Variants in RIC1 observed in about 807,000 individuals in gnomAD.
RIC1 encodes the protein RIC1 partner of RAB6A GEF complex, also known as guanine nucleotide exchange factor subunit RIC1.
RIC1 carries 88 observed loss-of-function variants against 169.0 expected under a neutral mutation model. That is an observed-to-expected ratio of 0.52 (90% CI 0.44 to 0.62). The LOEUF (loss-of-function observed/expected upper bound fraction) is 0.62. Ranked by LOEUF, RIC1 falls within the 20% of genes least tolerant of loss-of-function variation. RIC1 has a pLI of 0.00. For missense variants in RIC1, 1,877 were observed against 1,725.5 expected (o/e 1.09, Z -1.56); for synonymous variants, 790 against 601.5 (o/e 1.31, Z -4.59).
chr9:5,717,529 T>C (rs1188306666), intron 4 of RIC1, among the ~76,000 whole-genome samples: 1 of 151,942 alleles, frequency 6.6e-6, no homozygotes, highest in East Asian at 1.9e-4. Flanking sequence ...GAAAATGGGG[T>C]CAGTGTTCCA....
chr9:5,732,533 T>G (rs1587056320), intron 7 of RIC1, 54 bp downstream of exon 7: 16 of 233,646 alleles, frequency 6.8e-5, no homozygotes, highest in East Asian at 1.5e-3. Flanking sequence ...AAAATACTGG[T>G]TTTTTTTTTT....
At chr9:5,742,310 C>A (rs541674031) in intron 8 of RIC1, among the ~76,000 whole-genome samples, 9 of 152,160 alleles carry the variant, frequency 5.9e-5, no homozygotes, top group Non-Finnish European at 1.2e-4. Flanking sequence ...CAGGGTTTGG[C>A]AGAAAAATTC....
intron 22 of RIC1, 40 bp downstream of exon 22, chr9:5,769,296 A>G: frequency 6.2e-7 from 1 of 1,613,898 alleles, no homozygotes; most frequent in Non-Finnish European, 8.5e-7. Flanking sequence ...GGAGAATTGT[A>G]TTTTACTCCG....
chr9:5,672,407 A>G (rs1288535454), intron 2 of RIC1, among the ~76,000 whole-genome samples: 2 of 152,238 alleles, frequency 1.3e-5, no homozygotes, highest in Non-Finnish European at 2.9e-5. Context: ...TTAGAACATA[A>G]TCAGGATTTT....
chr9:5,766,936 C>T (rs1408971757), intron 21 of RIC1, among the ~76,000 whole-genome samples: 4 of 152,182 alleles, frequency 2.6e-5, no homozygotes, highest in Non-Finnish European at 5.9e-5. Context: ...TCCATAGCAG[C>T]TGTACTAGTT....
intron 17 of RIC1, among the ~76,000 whole-genome samples, chr9:5,760,883 G>A (rs1563713837): frequency 6.6e-6 from 1 of 152,118 alleles, no homozygotes; most frequent in South Asian, 2.1e-4. Flanking sequence ...AATTCAGCCA[G>A]CCAGCATGCA....
chr9:5,771,280 A>G (rs1442548678), intron 23 of RIC1, among the ~76,000 whole-genome samples: 1 of 152,082 alleles, frequency 6.6e-6, no homozygotes, highest in East Asian at 1.9e-4. Context: ...GAATTTGACT[A>G]TTCTAGGTAC....
chr9:5,711,413 T>C (rs1050468949), intron 3 of RIC1, among the ~76,000 whole-genome samples: 1 of 152,142 alleles, frequency 6.6e-6, no homozygotes, highest in Non-Finnish European at 1.5e-5. Context: ...CAAACCACAA[T>C]ATTATTACCC....
At chr9:5,753,087 G>T (rs1825815277) in intron 12 of RIC1, 113 bp from the exon 13 acceptor site, 3 of 859,200 alleles carry the variant, frequency 3.5e-6, no homozygotes, top group Non-Finnish European at 5.9e-6. Context: ...CTACTAACTA[G>T]GGGGCACCTT....
At chr9:5,678,314 G>A (rs1820586508) in intron 2 of RIC1, among the ~76,000 whole-genome samples, 1 of 152,108 alleles carries the variant, frequency 6.6e-6, no homozygotes, top group African/African-American at 2.4e-5. Flanking sequence ...ACATACGTGT[G>A]CATGTGTCTT....
intron 11 of RIC1, among the ~76,000 whole-genome samples, chr9:5,746,771 A>G (rs1825402786): frequency 6.6e-6 from 1 of 152,180 alleles, no homozygotes; most frequent in Non-Finnish European, 1.5e-5. Context: ...CTTAATACCT[A>G]CCATCAATGG....
At chr9:5,759,186 GA>G (rs933634930) in intron 17 of RIC1, among the ~76,000 whole-genome samples, 6 of 151,932 alleles carry the variant, frequency 3.9e-5, no homozygotes, top group African/African-American at 1.2e-4. Context: ...TAAAAGGTGT[GA>G]AAAAAAGTGA....
At chr9:5,632,545 TA>T (rs1817767629) in intron 1 of RIC1, among the ~76,000 whole-genome samples, 1 of 152,200 alleles carries the variant, frequency 6.6e-6, no homozygotes, top group South Asian at 2.1e-4. Context: ...TTAGCTTTTT[TA>T]TATTGGAGCC....
intron 1 of RIC1, among the ~76,000 whole-genome samples, chr9:5,630,675 A>G (rs1166660086): frequency 6.6e-6 from 1 of 152,232 alleles, no homozygotes; most frequent in Non-Finnish European, 1.5e-5. Context: ...TCAGAACAAA[A>G]CAAACTTATA....
At chr9:5,738,059 T>C (rs1339961703) in intron 7 of RIC1, among the ~76,000 whole-genome samples, 1 of 152,178 alleles carries the variant, frequency 6.6e-6, no homozygotes, top group East Asian at 1.9e-4. Flanking sequence ...CTGTATTCGC[T>C]ATCCATGTGG....
chr9:5,753,564 A>G lies in RIC1; in HGVS notation c.1520A>G (p.Asn507Ser). ...TCAGCTATTGATAAGCTTGGACAGAATATTGCTGTGGTTGGCAAGTTTGGT... is the reference window on the plus strand; with the variant it reads ...TCAGCTATTGATAAGCTTGGACAGAGTATTGCTGTGGTTGGCAAGTTTGGT... ...RFSAIDKLGQNIAVVGKFGFA... is the reference protein window; with the variant it reads ...RFSAIDKLGQSIAVVGKFGFA... Residue 507 changes from asparagine to serine, a missense_variant, in exon 14 of 26, where the codon AAT becomes AGT. Physicochemically the swap from Asn to Ser is conservative, Grantham distance 46 (BLOSUM62 1). Transcript: ENST00000414202. The G allele has an allele frequency of 1.2e-6, 2 of 1,610,274 alleles. No individual in the cohort carries two copies. The highest frequency in any genetic ancestry group is 2.2e-5 in the South Asian group (2 of 90,292).
At chr9:5,632,275 A>C (rs1443686079) in intron 1 of RIC1, among the ~76,000 whole-genome samples, 1 of 152,228 alleles carries the variant, frequency 6.6e-6, no homozygotes, top group East Asian at 1.9e-4. Flanking sequence ...TGGTTGTTTC[A>C]ATGTTCAAAA....
chr9:5,679,509 A>G (rs1267918875), intron 2 of RIC1, among the ~76,000 whole-genome samples: 3 of 152,050 alleles, frequency 2.0e-5, no homozygotes, highest in Non-Finnish European at 4.4e-5. Context: ...ATCCTCTTTT[A>G]TTTCATTGGG....
chr9:5,773,780 C>G (rs190795529), intron 25 of RIC1, among the ~76,000 whole-genome samples, 178 bp from the exon 26 acceptor site: 123 of 152,244 alleles, frequency 8.1e-4, no homozygotes, highest in Non-Finnish European at 1.5e-3. Context: ...ATGTGCAGCC[C>G]CCTCTGCTGG....
Sources: allele counts gnomAD v4.1 joint callset (sites outside exome capture counted in the v4.1 genomes callset), GRCh38; gene constraint gnomAD v4.1.1; transcripts MANE v1.5; gene names NCBI Gene and HGNC (gene_info 2026-07-23, HGNC 2026-07-21).